Variants in LRRTM4 observed in about 807,000 individuals in gnomAD.
LRRTM4 encodes the protein leucine-rich repeat transmembrane neuronal protein 4.
In LRRTM4, 25 loss-of-function variants were observed where a neutral mutation model predicts 47.6. The ratio of observed to expected loss-of-function variants is 0.53; its 90% CI spans 0.38 to 0.73. The LOEUF (loss-of-function observed/expected upper bound fraction) is 0.73. LRRTM4 is among the 30% of genes least tolerant of loss of function. The pLI, the probability that LRRTM4 is intolerant of heterozygous loss-of-function variation, is 0.00. For synonymous variants in LRRTM4, 311 were observed against 269.5 expected (o/e 1.15, Z -1.51); for missense variants, 638 against 713.4 (o/e 0.89, Z 1.20).
At chr2:76,836,398 T>G (rs1355280207) in intron 3 of LRRTM4, among the ~76,000 whole-genome samples, 1 of 152,032 alleles carries the variant, frequency 6.6e-6, no homozygotes, top group Admixed American at 6.6e-5. Context: ...TTGTTTTATT[T>G]TGATCATGTC....
intron 3 of LRRTM4, among the ~76,000 whole-genome samples, chr2:77,005,226 C>T (rs541301304): frequency 6.6e-6 from 1 of 152,252 alleles, no homozygotes; most frequent in South Asian, 2.1e-4. Context: ...CTCACTGCAA[C>T]CTCTGCTGCC....
At chr2:77,238,331 G>A (rs1266069145) in intron 3 of LRRTM4, among the ~76,000 whole-genome samples, 2 of 152,082 alleles carry the variant, frequency 1.3e-5, no homozygotes, top group African/African-American at 2.4e-5. Context: ...CATTGGCAGT[G>A]TCTTAACTTT....
At chr2:77,104,845 A>C (rs1202540573) in intron 3 of LRRTM4, among the ~76,000 whole-genome samples, 1 of 152,194 alleles carries the variant, frequency 6.6e-6, no homozygotes, top group East Asian at 1.9e-4. Context: ...CATACTGAGC[A>C]GAAACTGCAG....
intron 3 of LRRTM4, among the ~76,000 whole-genome samples, chr2:76,885,135 C>T (rs1250396416): frequency 6.6e-6 from 1 of 151,924 alleles, no homozygotes; most frequent in Admixed American, 6.6e-5. Flanking sequence ...TATTTTTCCT[C>T]TCATATAGTA....
intron 3 of LRRTM4, among the ~76,000 whole-genome samples, chr2:77,302,442 G>T (rs1160711955): frequency 1.3e-5 from 2 of 152,198 alleles, no homozygotes; most frequent in East Asian, 3.9e-4. Context: ...GCTCTCTAAA[G>T]CACGAATACT....
chr2:77,082,318 C>T (rs1680558925), intron 3 of LRRTM4, among the ~76,000 whole-genome samples: 2 of 152,000 alleles, frequency 1.3e-5, no homozygotes, highest in South Asian at 2.1e-4. Flanking sequence ...TTCTTGGACA[C>T]TTATGATGTG....
intron 3 of LRRTM4, among the ~76,000 whole-genome samples, chr2:76,996,032 G>C (rs1004192495): frequency 1.8e-5 from 2 of 113,170 alleles, no homozygotes; most frequent in African/African-American, 8.0e-5. Flanking sequence ...AAAATACTCA[G>C]AGAAATAAAA....
At chr2:77,275,699 T>G (rs948997082) in intron 3 of LRRTM4, among the ~76,000 whole-genome samples, 2 of 152,114 alleles carry the variant, frequency 1.3e-5, no homozygotes, top group Non-Finnish European at 2.9e-5. Context: ...GGACTGGCCT[T>G]TACTCAATCT....
intron 3 of LRRTM4, among the ~76,000 whole-genome samples, chr2:77,171,806 G>A (rs968066564): frequency 6.6e-6 from 1 of 151,840 alleles, no homozygotes; most frequent in Non-Finnish European, 1.5e-5. Flanking sequence ...AGTCATGAAA[G>A]GCATTGCTCT....
At chr2:77,097,481 T>C (rs2103902701) in intron 3 of LRRTM4, among the ~76,000 whole-genome samples, 1 of 152,068 alleles carries the variant, frequency 6.6e-6, no homozygotes, top group South Asian at 2.1e-4. Context: ...GTTTAACAAA[T>C]TTCAAGATTT....
chr2:77,221,207 A>G (rs1387251067), intron 3 of LRRTM4, among the ~76,000 whole-genome samples: 1 of 152,188 alleles, frequency 6.6e-6, no homozygotes, highest in Non-Finnish European at 1.5e-5. Flanking sequence ...TGAAGGAAGC[A>G]CTAAACATGG....
At chr2:77,414,156 T>C (rs1328085102) in intron 3 of LRRTM4, among the ~76,000 whole-genome samples, 2 of 152,200 alleles carry the variant, frequency 1.3e-5, no homozygotes, top group African/African-American at 4.8e-5. Context: ...TCTCTCTCTT[T>C]TTACTTATTT....
Position 77,253,949 on chromosome 2 carries a change from AAC to A in LRRTM4, c.1551+264367_1551+264368del, listed in dbSNP as rs377406181. Among the ~76,000 whole-genome samples, 836 of 152,160 alleles carry A rather than the reference AAC, an allele frequency of 5.5e-3. 6 individuals are homozygous for A. Among genetic ancestry groups the A allele is most frequent in the African/African-American group, 0.019 (805 of 41,520 alleles). On this transcript the variant is annotated intron_variant, in intron 3 of 3. Coordinates refer to ENST00000409884, the MANE Select transcript of LRRTM4 (RefSeq NM_001134745.3). ...GAAGAGTTGAAAAGATAGTTAAAGA[AAC>A]AGTCTGAAAACTTTCCAAAATTGAC...
intron 3 of LRRTM4, among the ~76,000 whole-genome samples, chr2:77,162,659 C>T (rs1481173168): frequency 6.6e-6 from 1 of 152,220 alleles, no homozygotes; most frequent in East Asian, 1.9e-4. Flanking sequence ...ATTTGCCATT[C>T]CACAATATTT....
chr2:76,900,810 C>T (rs1199244506), intron 3 of LRRTM4, among the ~76,000 whole-genome samples: 1 of 152,070 alleles, frequency 6.6e-6, no homozygotes, highest in Non-Finnish European at 1.5e-5. Flanking sequence ...GGAAAATGTT[C>T]ACAATATGCT....
At chr2:77,032,950 G>C (rs1348409070) in intron 3 of LRRTM4, among the ~76,000 whole-genome samples, 1 of 151,970 alleles carries the variant, frequency 6.6e-6, no homozygotes, top group Non-Finnish European at 1.5e-5. Context: ...TACTAAGTAA[G>C]AGTGATCTAC....
At chr2:77,058,667 G>T (rs532137872) in intron 3 of LRRTM4, among the ~76,000 whole-genome samples, 111 of 151,914 alleles carry the variant, frequency 7.3e-4, no homozygotes, top group African/African-American at 2.6e-3. Flanking sequence ...ATTAAAACCA[G>T]AACATATATT....
intron 3 of LRRTM4, among the ~76,000 whole-genome samples, chr2:76,782,362 T>G (rs553122782): frequency 6.6e-6 from 1 of 152,200 alleles, no homozygotes; most frequent in South Asian, 2.1e-4. Flanking sequence ...ATTTTATGAC[T>G]TTTCTTTGCT....
At chr2:77,027,321 GAATTA>G (rs1413070937) in intron 3 of LRRTM4, among the ~76,000 whole-genome samples, 3 of 152,040 alleles carry the variant, frequency 2.0e-5, no homozygotes, top group Admixed American at 6.6e-5. Flanking sequence ...TAGAGGAGAT[GAATTA>G]AATAAAAAAA....
Sources: gnomAD v4.1 joint callset for allele counts (sites outside exome capture counted in the v4.1 genomes callset) on GRCh38, gnomAD v4.1.1 for gene constraint, MANE v1.5 for transcripts, NCBI Gene and HGNC (gene_info 2026-07-23, HGNC 2026-07-21) for gene names.